Variants in CALN1 observed in about 807,000 individuals in gnomAD.
CALN1 encodes calneuron 1, also known as calcium-binding protein 8.
Under a neutral mutation model 30.6 loss-of-function variants are expected in CALN1, and 17 were observed. The ratio of observed to expected loss-of-function variants is 0.56; its 90% CI spans 0.38 to 0.83. The LOEUF (loss-of-function observed/expected upper bound fraction) is 0.83, where lower values mean the gene tolerates loss of function less well. Ranked by LOEUF, CALN1 falls within the 40% of genes least tolerant of loss-of-function variation. CALN1 has a pLI of 0.00. For synonymous variants in CALN1, 156 were observed against 131.4 expected (o/e 1.19, Z -1.28); for missense variants, 291 against 354.9 (o/e 0.82, Z 1.45).
At chr7:72,296,004 C>T (rs1798828235) in intron 2 of CALN1, among the ~76,000 whole-genome samples, 1 of 151,844 alleles carries the variant, frequency 6.6e-6, no homozygotes, top group Admixed American at 6.6e-5. Context: ...GTGGGTTTGT[C>T]ATAGATAGCT....
rs181692002 is a variant in CALN1 at position 72,136,384 on chromosome 7, C to T, written c.245-30090G>A. ...CTTTTTTTCTGCAGCTTCCTTTCCT[C>T]TCTCAGCCTTCATAGAATTGAAAAG... On this transcript the variant is annotated intron_variant, in intron 3 of 6. Coordinates refer to ENST00000395275, the MANE Select transcript of CALN1 (RefSeq NM_031468.4). 3.2e-4 allele frequency among the ~76,000 whole-genome samples: 48 copies of T among 152,164 alleles called. 1 individual carries two copies. In the East Asian group the frequency reaches 7.7e-3, roughly 24 times the overall value.
At chr7:72,227,404 G>C (rs192058527) in intron 3 of CALN1, among the ~76,000 whole-genome samples, 10 of 152,008 alleles carry the variant, frequency 6.6e-5, no homozygotes, top group Non-Finnish European at 8.8e-5. Context: ...GCTGGGAGTG[G>C]TGACGGGCGC....
intron 3 of CALN1, among the ~76,000 whole-genome samples, chr7:72,108,677 T>TTCCCTATGATATA (rs763552018): frequency 6.6e-6 from 1 of 152,224 alleles, no homozygotes; most frequent in Non-Finnish European, 1.5e-5. Flanking sequence ...TATACATTCC[T>TTCCCTATGATATA]TCCCTATGAT....
chr7:71,785,062 T>C lies in CALN1; in HGVS notation c.*2713A>G. 2.5e-6 allele frequency: 1 copy of C among 393,500 alleles called. No individual in the cohort carries two copies. Among genetic ancestry groups the C allele is most frequent in the East Asian group, 3.6e-5 (1 of 27,784 alleles). The allele number at this position is 393,500 out of a possible 1,614,324, so 24.4% of individuals were successfully genotyped here. The stretch of plus-strand genomic sequence containing the variant: ...CTGAAGTCTAAGGAATGCCGCTAGC[T>C]CAGGGCCGTCTCCACGCACTGTGTC... On this transcript the variant is annotated 3_prime_UTR_variant, in exon 7 of 7. Transcript: ENST00000395275.
the CALN1 span, among the ~76,000 whole-genome samples, chr7:72,457,903 G>A: frequency 6.6e-6 from 1 of 151,346 alleles, no homozygotes; most frequent in Admixed American, 6.6e-5. Context: ...CTACAGGCAT[G>A]CACCACCACG....
At chr7:71,857,601 CT>C (rs908603126) in intron 5 of CALN1, among the ~76,000 whole-genome samples, 27 of 152,280 alleles carry the variant, frequency 1.8e-4, no homozygotes, top group African/African-American at 6.0e-4. Flanking sequence ...TCTCCTCCCC[CT>C]GTTCTCTTGG....
At chr7:72,197,577 T>C (rs1585142020) in intron 3 of CALN1, among the ~76,000 whole-genome samples, 1 of 152,196 alleles carries the variant, frequency 6.6e-6, no homozygotes, top group South Asian at 2.1e-4. Context: ...ATGCCTGTAA[T>C]TGAGCACTTT....
At chr7:72,001,727 T>C (rs1198822277) in intron 5 of CALN1, among the ~76,000 whole-genome samples, 1 of 151,988 alleles carries the variant, frequency 6.6e-6, no homozygotes, top group Non-Finnish European at 1.5e-5. Flanking sequence ...CTCTGCCTTA[T>C]GCCCCTTGGT....
At chr7:71,893,137 C>T (rs1793340288) in intron 5 of CALN1, among the ~76,000 whole-genome samples, 1 of 152,134 alleles carries the variant, frequency 6.6e-6, no homozygotes, top group South Asian at 2.1e-4. Flanking sequence ...CCTGGTGGTT[C>T]ACCACTGGGA....
intron 1 of CALN1, among the ~76,000 whole-genome samples, chr7:72,439,621 G>A (rs1275432221): frequency 4.2e-5 from 6 of 143,062 alleles, no homozygotes; most frequent in African/African-American, 5.2e-5. Context: ...TTTGTCGCCC[G>A]GGCTGGAGTG....
chr7:72,467,255 A>G, the CALN1 span, among the ~76,000 whole-genome samples: 3 of 152,266 alleles, frequency 2.0e-5, no homozygotes, highest in South Asian at 6.2e-4. Context: ...GCTGCCAAAG[A>G]GGTCCCCAAT....
chr7:72,177,057 C>T (rs570477780), intron 3 of CALN1, among the ~76,000 whole-genome samples: 2 of 152,276 alleles, frequency 1.3e-5, no homozygotes, highest in African/African-American at 4.8e-5. Flanking sequence ...TCATAGCCTT[C>T]GTCTCCTGCT....
At chr7:71,980,918 G>A (rs1050490146) in intron 5 of CALN1, among the ~76,000 whole-genome samples, 4 of 152,052 alleles carry the variant, frequency 2.6e-5, no homozygotes, top group South Asian at 2.1e-4. Context: ...CAGGCTCCTC[G>A]ACTCAGGAAA....
At chr7:72,344,897 ATATCATATATAAATG>A (rs1199067617) in intron 2 of CALN1, among the ~76,000 whole-genome samples, 5 of 147,624 alleles carry the variant, frequency 3.4e-5, no homozygotes, top group Non-Finnish European at 6.0e-5. Flanking sequence ...GCATATATTT[ATATCATATATAAATG>A]TATATGTGAA....
chr7:72,352,651 C>G (rs879874794), intron 2 of CALN1, among the ~76,000 whole-genome samples: 2 of 151,750 alleles, frequency 1.3e-5, no homozygotes, highest in Non-Finnish European at 2.9e-5. Context: ...ACAGTGCTTA[C>G]AAGGAAAATT....
At chr7:71,971,897 C>G (rs1427761302) in intron 5 of CALN1, among the ~76,000 whole-genome samples, 1 of 120,948 alleles carries the variant, frequency 8.3e-6, no homozygotes. Context: ...AACCACTGCA[C>G]TCCAGCCTGA....
At chr7:71,966,626 C>T (rs2129525862) in intron 5 of CALN1, among the ~76,000 whole-genome samples, 1 of 152,284 alleles carries the variant, frequency 6.6e-6, no homozygotes, top group South Asian at 2.1e-4. Context: ...TTCAGAAGCT[C>T]AGCAGATTCC....
rs568234530 is a variant in CALN1 at position 72,318,864 on chromosome 7, A to G, written c.120-40054T>C. Among the ~76,000 whole-genome samples the G allele has an allele frequency of 1.0e-3, 151 of 151,730 alleles. 5 individuals carry two copies. Among genetic ancestry groups the G allele is most frequent in the Admixed American group, 7.5e-3 (114 of 15,224 alleles). ...AGGAATGGCTATTATTAAAAAGTCAAAAGAAAAAAAAAAAGATGCTGGCAA... is the reference window on the plus strand; with the variant it reads ...AGGAATGGCTATTATTAAAAAGTCAGAAGAAAAAAAAAAAGATGCTGGCAA... On this transcript the variant is annotated intron_variant, in intron 2 of 6. Transcript: ENST00000395275.
chr7:72,069,468 T>C (rs770044633), intron 4 of CALN1, among the ~76,000 whole-genome samples: 38 of 152,308 alleles, frequency 2.5e-4, no homozygotes, highest in Non-Finnish European at 2.5e-4. Context: ...CTGGAGGCTC[T>C]AGGGAGCATA....
Sources: gnomAD v4.1 joint callset for allele counts (sites outside exome capture counted in the v4.1 genomes callset) on GRCh38, gnomAD v4.1.1 for gene constraint, MANE v1.5 for transcripts, NCBI Gene and HGNC (gene_info 2026-07-23, HGNC 2026-07-21) for gene names.